AGBL1: variants seen among roughly 807,000 people sequenced by gnomAD.
AGBL1 encodes cytosolic carboxypeptidase 4.
AGBL1 carries 130 observed loss-of-function variants against 118.9 expected under a neutral mutation model. That is an observed-to-expected ratio of 1.09 (90% CI 0.95 to 1.26). The LOEUF is 1.26. Among genes scored for constraint, AGBL1 ranks in the 50% most tolerant of loss-of-function variants. The pLI is 0.00. For synonymous variants in AGBL1, 555 were observed against 478.9 expected (o/e 1.16, Z -2.08); for missense variants, 1,584 against 1,298.1 (o/e 1.22, Z -3.38).
chr15:86,548,432 G>A (rs2083616058), intron 20 of AGBL1, among the ~76,000 whole-genome samples: 1 of 152,140 alleles, frequency 6.6e-6, no homozygotes, highest in Non-Finnish European at 1.5e-5. Context: ...GCAAAACGCA[G>A]TATAAAATAG....
At chr15:86,368,710 G>C (rs574183934) in intron 17 of AGBL1, among the ~76,000 whole-genome samples, 1 of 152,268 alleles carries the variant, frequency 6.6e-6, no homozygotes, top group South Asian at 2.1e-4. Flanking sequence ...GATATACTGA[G>C]AGGCTCGCAC....
chr15:86,294,062 C>A (rs918693752), intron 16 of AGBL1, among the ~76,000 whole-genome samples: 1 of 151,942 alleles, frequency 6.6e-6, no homozygotes, highest in Non-Finnish European at 1.5e-5. Flanking sequence ...TGACTGGTGC[C>A]CCTGTTTTGA....
At chr15:86,512,912 T>C (rs572981767) in intron 18 of AGBL1, among the ~76,000 whole-genome samples, 52 of 151,870 alleles carry the variant, frequency 3.4e-4, no homozygotes, top group Non-Finnish European at 5.6e-4. Flanking sequence ...TATTATTTTT[T>C]TTAAATTATA....
intron 17 of AGBL1, among the ~76,000 whole-genome samples, chr15:86,358,815 G>A (rs540416973): frequency 2.6e-5 from 4 of 151,912 alleles, no homozygotes; most frequent in East Asian, 1.9e-4. Context: ...CTGTTTGTAC[G>A]TTTTTTCTTG....
chr15:86,294,961 C>A lies in AGBL1; in HGVS notation c.2221-294C>A, dbSNP rs7497993. Among the ~76,000 whole-genome samples the A allele has an allele frequency of 1.6e-3, 237 of 152,260 alleles. 1 individual carries two copies. The highest frequency in any genetic ancestry group is 5.5e-3 in the African/African-American group (230 of 41,550). On this transcript the variant is annotated intron_variant, in intron 16 of 22. Transcript: ENST00000614907. ...TCTGTGATTTCCTCGTATGTCACAG[C>A]GATAGGAAGAGGGCTTTATGCCCCT...
At chr15:86,563,635 T>C (rs12593331) in intron 21 of AGBL1, among the ~76,000 whole-genome samples, 90,153 of 151,760 alleles carry the variant, frequency 0.59, 27,218 homozygotes, top group East Asian at 0.89. Context: ...GTTATGTGGA[T>C]GTCTGTTAGG....
intron 21 of AGBL1, among the ~76,000 whole-genome samples, chr15:86,591,857 A>T (rs1051303222): frequency 3.3e-5 from 5 of 152,118 alleles, no homozygotes; most frequent in Non-Finnish European, 7.4e-5. Context: ...CCCTAATTGT[A>T]TCTTGGTCTT....
At chr15:86,233,591 T>C (rs1464408613) in intron 6 of AGBL1, among the ~76,000 whole-genome samples, 2 of 152,186 alleles carry the variant, frequency 1.3e-5, no homozygotes, top group Non-Finnish European at 2.9e-5. Context: ...GAAGTAAATA[T>C]ACTCAAGGGA....
intron 22 of AGBL1, among the ~76,000 whole-genome samples, chr15:86,778,212 T>C (rs1043151699): frequency 6.6e-6 from 1 of 151,988 alleles, no homozygotes; most frequent in Admixed American, 6.6e-5. Context: ...CTTCACAAGG[T>C]AACAGAATAT....
intron 22 of AGBL1, among the ~76,000 whole-genome samples, chr15:86,825,975 GAAAT>G (rs2079008518): frequency 6.6e-6 from 1 of 151,606 alleles, no homozygotes; most frequent in South Asian, 2.1e-4. Context: ...GCAGTTGTAA[GAAAT>G]AATACAGAGA....
intron 18 of AGBL1, among the ~76,000 whole-genome samples, chr15:86,414,326 T>G (rs1013879347): frequency 6.6e-6 from 1 of 152,166 alleles, no homozygotes; most frequent in Non-Finnish European, 1.5e-5. Context: ...TAAATTTATA[T>G]TAAAAAGAGA....
At chr15:86,998,039 T>C (rs913764869) in intron 24 of AGBL1, among the ~76,000 whole-genome samples, 1 of 152,088 alleles carries the variant, frequency 6.6e-6, no homozygotes, top group Non-Finnish European at 1.5e-5. Context: ...ATATAGTAGA[T>C]TGAATGTCTG....
intron 18 of AGBL1, among the ~76,000 whole-genome samples, chr15:86,502,273 T>G (rs2142162014): frequency 6.6e-6 from 1 of 151,670 alleles, no homozygotes; most frequent in East Asian, 1.9e-4. Context: ...AAATTGATAT[T>G]TGTGCATTAA....
At chr15:86,354,191 G>A (rs2080677170) in intron 17 of AGBL1, among the ~76,000 whole-genome samples, 1 of 152,206 alleles carries the variant, frequency 6.6e-6, no homozygotes, top group African/African-American at 2.4e-5. Flanking sequence ...CATCTGCATA[G>A]GGTGTTAAGG....
At chr15:86,255,905 T>A (rs1030502636) in intron 7 of AGBL1, among the ~76,000 whole-genome samples, 1 of 152,226 alleles carries the variant, frequency 6.6e-6, no homozygotes, top group Non-Finnish European at 1.5e-5. Flanking sequence ...ATGTTGAGTC[T>A]GGAGATGCCA....
At chr15:86,266,649 T>A (rs546871693) in intron 12 of AGBL1, among the ~76,000 whole-genome samples, 192 bp downstream of exon 12, 5 of 152,328 alleles carry the variant, frequency 3.3e-5, no homozygotes, top group Non-Finnish European at 7.4e-5. Flanking sequence ...ACGCCTGTAA[T>A]CCCAGCACTT....
intron 18 of AGBL1, among the ~76,000 whole-genome samples, chr15:86,488,269 T>G (rs1343440954): frequency 6.6e-6 from 1 of 152,042 alleles, no homozygotes; most frequent in Non-Finnish European, 1.5e-5. Context: ...ATGTATTCTG[T>G]GTTGTAACCC....
At chr15:86,396,429 T>A (rs555953578) in intron 17 of AGBL1, among the ~76,000 whole-genome samples, 1 of 152,166 alleles carries the variant, frequency 6.6e-6, no homozygotes, top group Admixed American at 6.6e-5. Context: ...AGACTGTTCA[T>A]GTCAATACAC....
intron 17 of AGBL1, among the ~76,000 whole-genome samples, chr15:86,391,702 C>T (rs1278304924): frequency 7.3e-6 from 1 of 137,352 alleles, no homozygotes; most frequent in Non-Finnish European, 1.5e-5. Flanking sequence ...GTTCCCAAAC[C>T]CTTAGTATGC....
Sources: allele counts gnomAD v4.1 joint callset (sites outside exome capture counted in the v4.1 genomes callset), GRCh38; gene constraint gnomAD v4.1.1; transcripts MANE v1.5; gene names NCBI Gene and HGNC (gene_info 2026-07-23, HGNC 2026-07-21).